The following ZFAND4 variants were observed in gnomAD, a reference collection of about 807,000 sequenced individuals.
The protein encoded by ZFAND4 is zinc finger AN1-type containing 4.
A neutral mutation model predicts 64.4 loss-of-function variants in ZFAND4; 43 were observed. The observed-to-expected ratio is 0.67, with a 90% CI of 0.52 to 0.86. The LOEUF (loss-of-function observed/expected upper bound fraction) is 0.86, where lower values mean the gene tolerates loss of function less well. Ranked by LOEUF, ZFAND4 falls within the 40% of genes least tolerant of loss-of-function variation. The pLI, the probability that ZFAND4 is intolerant of heterozygous loss-of-function variation, is 0.00. For synonymous variants in ZFAND4, 296 were observed against 305.7 expected (o/e 0.97, Z 0.33); for missense variants, 929 against 859.8 (o/e 1.08, Z -1.01).
chr10:45,648,485 A>C lies in ZFAND4; in HGVS notation c.378T>G (p.Ser126Arg), dbSNP rs376684654. 1 of 1,613,730 alleles carries C rather than the reference A, an allele frequency of 6.2e-7. No homozygotes were observed. The highest frequency in any genetic ancestry group is 1.1e-5 in the South Asian group (1 of 90,988). ...AGGTCTTCTCCCAGACCTCAACTCG[A>C]CTGGAATCCAAGTACTCTGCCATCT... ...LRKMAEYLDS[S>R]RVEVWEKTSC... Residue 126 changes from serine to arginine, a missense_variant, in exon 5 of 10, where the codon AGT becomes AGG. By Grantham distance (110) the Ser-to-Arg change is moderately radical. Transcript: ENST00000344646.
intron 6 of ZFAND4, among the ~76,000 whole-genome samples, chr10:45,636,166 A>G (rs1295612868): frequency 6.6e-6 from 1 of 152,212 alleles, no homozygotes; most frequent in East Asian, 1.9e-4. Context: ...CAATATCAGA[A>G]TATTTTTATT....
At position 45,616,189 on chromosome 10, in the gene ZFAND4, C is replaced by A. The variant is rs534725322; in HGVS notation, c.*247G>T. ...AATATCATATACAAAACACTTAACA[C>A]AAGACATGCAATAACAAAGCTAAAT... is the stretch of plus-strand genomic sequence containing the variant. On this transcript the variant is annotated 3_prime_UTR_variant, in exon 10 of 10. Transcript: ENST00000344646. The A allele has an allele frequency of 2.2e-6, 1 of 464,010 alleles. No individual in the cohort carries two copies. Among genetic ancestry groups the A allele is most frequent in the African/African-American group, 2.0e-5 (1 of 50,000 alleles). 28.7% of individuals were successfully genotyped at this position (464,010 alleles called of 1,614,324 possible). A position where few individuals can be genotyped will look rare whatever the true frequency, so the allele number is the denominator to read the frequency against.
intron 8 of ZFAND4, among the ~76,000 whole-genome samples, chr10:45,619,086 T>A (rs2045221442): frequency 1.3e-5 from 2 of 151,972 alleles, no homozygotes; most frequent in African/African-American, 2.4e-5. Context: ...TCGCCCAGGC[T>A]GTAGTGCAGT....
chr10:45,658,131 T>C (rs559676827), intron 2 of ZFAND4, among the ~76,000 whole-genome samples: 3 of 152,340 alleles, frequency 2.0e-5, no homozygotes, highest in East Asian at 3.9e-4. Context: ...AATGTGACCT[T>C]AACTTGAAGA....
chr10:45,648,629 A>G, intron 4 of ZFAND4, 95 bp from the exon 5 acceptor site: 2 of 1,322,428 alleles, frequency 1.5e-6, no homozygotes, highest in South Asian at 1.6e-5. Flanking sequence ...TTTGAACAAC[A>G]GTCCTGTGCA....
At chr10:45,652,077 C>T (rs2047796157) in intron 3 of ZFAND4, 44 bp from the exon 4 acceptor site, 1 of 1,589,870 alleles carries the variant, frequency 6.3e-7, no homozygotes. Flanking sequence ...CATCAAAATG[C>T]ATTCAGTTAA....
At chr10:45,666,236 T>C (rs918516532) in intron 1 of ZFAND4, among the ~76,000 whole-genome samples, 1 of 152,234 alleles carries the variant, frequency 6.6e-6, no homozygotes, top group Admixed American at 6.5e-5. Flanking sequence ...GTCCTTTTGA[T>C]TAAAGCTATC....
intron 1 of ZFAND4, among the ~76,000 whole-genome samples, chr10:45,670,482 C>T (rs994685734): frequency 1.3e-5 from 2 of 152,166 alleles, no homozygotes; most frequent in Non-Finnish European, 2.9e-5. Context: ...TCAGGTGATC[C>T]GCCTGCCTCG....
At chr10:45,644,456 G>T (rs2047234987) in intron 5 of ZFAND4, among the ~76,000 whole-genome samples, 1 of 152,220 alleles carries the variant, frequency 6.6e-6, no homozygotes, top group African/African-American at 2.4e-5. Context: ...TCTCATCACA[G>T]CAGAATTTCT....
intron 2 of ZFAND4, among the ~76,000 whole-genome samples, chr10:45,660,444 G>A (rs142726761): frequency 6.3e-4 from 96 of 152,188 alleles, no homozygotes; most frequent in African/African-American, 2.0e-3. Context: ...AAAAGTTGTG[G>A]CAATTTCAAA....
At chr10:45,628,643 C>T (rs1183900952) in intron 6 of ZFAND4, among the ~76,000 whole-genome samples, 4 of 151,914 alleles carry the variant, frequency 2.6e-5, no homozygotes, top group African/African-American at 9.7e-5. Flanking sequence ...AAAAATTCTT[C>T]AAAAATTAAG....
chr10:45,660,121 C>CACTGCACT lies in ZFAND4; in HGVS notation c.184+3413_184+3420dup, dbSNP rs571732447. 5.5e-3 allele frequency among the ~76,000 whole-genome samples: 811 copies of CACTGCACT among 146,290 alleles called. 9 individuals carry two copies. Among genetic ancestry groups the CACTGCACT allele is most frequent in the Non-Finnish European group, 8.9e-3 (600 of 67,198 alleles). The stretch of plus-strand genomic sequence containing the variant: ...AGCTTGCAGTGAGCCAAGATCACAC[C>CACTGCACT]ACTGCACTTCAGCATGGGCGACAGA... On this transcript the variant is annotated intron_variant, in intron 2 of 9. Transcript: ENST00000344646.
intron 6 of ZFAND4, among the ~76,000 whole-genome samples, chr10:45,639,477 C>T (rs1203595862): frequency 6.6e-6 from 1 of 152,168 alleles, no homozygotes; most frequent in Non-Finnish European, 1.5e-5. Context: ...AAAACTGGCA[C>T]TATCTACTAA....
At chr10:45,667,370 G>A (rs565715733) in intron 1 of ZFAND4, among the ~76,000 whole-genome samples, 3 of 150,562 alleles carry the variant, frequency 2.0e-5, no homozygotes, top group Admixed American at 6.6e-5. Context: ...CTTCCTAAAC[G>A]CTCTCTATAA....
At chr10:45,648,265 C>T in intron 5 of ZFAND4, 29 bp downstream of exon 5, 1 of 1,449,790 alleles carries the variant, frequency 6.9e-7, no homozygotes, top group South Asian at 1.3e-5. Context: ...ATTTTGACAA[C>T]ACAAGGTAAA....
intron 6 of ZFAND4, among the ~76,000 whole-genome samples, chr10:45,629,502 A>G (rs2046064188): frequency 6.6e-6 from 1 of 152,168 alleles, no homozygotes; most frequent in Admixed American, 6.5e-5. Flanking sequence ...GAAAATAAGG[A>G]TCCTTCAAAA....
intron 2 of ZFAND4, among the ~76,000 whole-genome samples, chr10:45,653,708 C>T (rs2047911233): frequency 1.3e-5 from 2 of 152,138 alleles, no homozygotes; most frequent in South Asian, 2.1e-4. Flanking sequence ...GGAACGCATA[C>T]ACTGCTGGTG....
At chr10:45,627,857 G>A (rs1347153297) in intron 6 of ZFAND4, among the ~76,000 whole-genome samples, 1 of 152,202 alleles carries the variant, frequency 6.6e-6, no homozygotes, top group Non-Finnish European at 1.5e-5. Context: ...AGACTCCACT[G>A]AAAGAGGACT....
intron 6 of ZFAND4, among the ~76,000 whole-genome samples, chr10:45,630,772 A>C (rs2046150725): frequency 6.6e-6 from 1 of 151,882 alleles, no homozygotes. Flanking sequence ...CAAAAGAATA[A>C]AAATAAAATA....
Sources: allele counts gnomAD v4.1 joint callset (sites outside exome capture counted in the v4.1 genomes callset), GRCh38; gene constraint gnomAD v4.1.1; transcripts MANE v1.5; gene names NCBI Gene and HGNC (gene_info 2026-07-23, HGNC 2026-07-21).